Variants in NDUFA6 observed in about 807,000 individuals in gnomAD.
NDUFA6 encodes the protein NADH:ubiquinone oxidoreductase subunit A6.
A neutral mutation model predicts 12.5 loss-of-function variants in NDUFA6; 10 were observed. The ratio of observed to expected loss-of-function variants is 0.80; its 90% CI spans 0.49 to 1.35. NDUFA6 has a LOEUF of 1.35. Ranked by LOEUF, NDUFA6 falls within the 40% of genes most tolerant of loss-of-function variation. NDUFA6 has a pLI of 0.00. For missense variants in NDUFA6, 177 were observed against 173.5 expected (o/e 1.02, Z -0.11); for synonymous variants, 66 against 63.0 (o/e 1.05, Z -0.23).
At chr22:42,090,540 C>T in intron 1 of NDUFA6, 66 bp downstream of exon 1, 3 of 1,593,568 alleles carry the variant, frequency 1.9e-6, no homozygotes, top group Non-Finnish European at 2.6e-6. Flanking sequence ...ATGAGAAACC[C>T]CGGCCGGGCC....
At chr22:42,088,540 G>A (rs1256022142) in intron 1 of NDUFA6, among the ~76,000 whole-genome samples, 3 of 152,098 alleles carry the variant, frequency 2.0e-5, no homozygotes, top group Non-Finnish European at 4.4e-5. Context: ...CCAACATGGT[G>A]AAACCCCGTT....
chr22:42,090,627 A>T lies in NDUFA6; in HGVS notation c.118T>A (p.Tyr40Asn). ...TCACCAGTGTTCGGCACCTCCCGAT[A>T]CCAGGCGCGGTAGAGCTCGCGCACC... The part of the protein sequence containing the change: ...RRVRELYRAW[Y>N]REVPNTVHQF... The change falls in exon 1 of 3, where the codon TAT becomes AAT. Residue 40 changes from tyrosine to asparagine, a missense_variant. Transcript: ENST00000498737. 1.9e-6 allele frequency: 3 copies of T among 1,613,900 alleles called. No homozygotes were observed. Among genetic ancestry groups the T allele is most frequent in the Non-Finnish European group, 2.5e-6 (3 of 1,179,976 alleles).
At chr22:42,090,544 C>T in intron 1 of NDUFA6, 62 bp downstream of exon 1, 12 of 1,596,138 alleles carry the variant, frequency 7.5e-6, no homozygotes, top group Non-Finnish European at 1.0e-5. Context: ...GAAACCCCGG[C>T]CGGGCCGGCT....
chr22:42,087,814 A>T (rs931376322), intron 1 of NDUFA6, among the ~76,000 whole-genome samples: 7 of 148,658 alleles, frequency 4.7e-5, no homozygotes, highest in African/African-American at 7.5e-5. Context: ...AAAAAATAAT[A>T]ATTATTTTAT....
rs564103038 is a variant in NDUFA6, at chr22:42,087,833, C to T, written c.140-658G>A. On this transcript the variant is annotated intron_variant, in intron 1 of 2. Transcript: ENST00000498737. Reference sequence around the variant, plus strand: ...AATAATAATTATTTTATTAGCTGGGCGCGGTGGCTCACGCCTGTAATCCCA... The same window carrying T: ...AATAATAATTATTTTATTAGCTGGGTGCGGTGGCTCACGCCTGTAATCCCA... Among the ~76,000 whole-genome samples, 53 of 150,734 alleles carry T rather than the reference C, an allele frequency of 3.5e-4. 1 individual carries two copies. Among genetic ancestry groups the T allele is most frequent in the African/African-American group, 1.1e-3 (46 of 40,976 alleles).
chr22:42,089,499 CAA>C (rs1391594257), intron 1 of NDUFA6: 1 of 151,988 alleles, frequency 6.6e-6, no homozygotes, highest in Non-Finnish European at 1.5e-5. Context: ...GCAATTTTTC[CAA>C]AAGTCAGCTT....
At chr22:42,089,960 C>G (rs1928523376) in intron 1 of NDUFA6, 1 of 160,924 alleles carries the variant, frequency 6.2e-6, no homozygotes, top group Non-Finnish European at 1.4e-5. Context: ...ACGGGCGGAT[C>G]ACGAGGTCAG....
intron 2 of NDUFA6, 36 bp downstream of exon 2, chr22:42,087,024 G>A (rs754524567): frequency 7.1e-7 from 1 of 1,409,768 alleles, no homozygotes; most frequent in Admixed American, 1.7e-5. Flanking sequence ...GGACAAGTTG[G>A]CTGATCTTTT....
At position 42,086,284 on chromosome 22, in the gene NDUFA6, CT is replaced by C. The variant is rs1238488442; in HGVS notation, c.285del (p.Val96TyrfsTer43). 2 of 1,614,100 alleles carry C rather than the reference CT, an allele frequency of 1.2e-6. No individual in the cohort carries two copies. The highest frequency in any genetic ancestry group is 8.5e-7 in the Non-Finnish European group (1 of 1,180,034). On this transcript the variant is annotated frameshift_variant, in exon 3 of 3. Transcript: ENST00000498737. LOFTEE classifies it high-confidence loss of function. The stretch of plus-strand genomic sequence containing the variant: ...ATAACATGTGTCCGCTGCTTCCATA[CT>C]TTAATTGTTTCTTCCAGTTCGATCT... ...KGKIELEETIKVWKQRTHVMR... is the reference protein window; with the variant it reads ...KGKIELEETIXVWKQRTHVMR...
intron 1 of NDUFA6, among the ~76,000 whole-genome samples, chr22:42,089,457 T>C (rs1165958177): frequency 6.6e-6 from 1 of 151,988 alleles, no homozygotes; most frequent in African/African-American, 2.4e-5. Flanking sequence ...TCTCCTTCTC[T>C]AGTATCGCGT....
At position 42,085,622 on chromosome 22, in the gene NDUFA6, G is replaced by C. The variant is rs191842397; in HGVS notation, c.*561C>G. On this transcript the variant is annotated 3_prime_UTR_variant, in exon 3 of 3. Coordinates refer to ENST00000498737, the MANE Select transcript of NDUFA6 (RefSeq NM_002490.6). Reference sequence around the variant, plus strand: ...AATATTTCTGTTCTCTGTGTATATTGAACAGCTGTGCACCTAAGCAGGGTG... The same window carrying C: ...AATATTTCTGTTCTCTGTGTATATTCAACAGCTGTGCACCTAAGCAGGGTG... 2 of 184,268 alleles carry C rather than the reference G, an allele frequency of 1.1e-5. No homozygotes were observed. The highest frequency in any genetic ancestry group is 4.8e-5 in the African/African-American group (2 of 41,928). 11.4% of individuals were successfully genotyped at this position (184,268 alleles called of 1,614,324 possible). A position where few individuals can be genotyped will look rare whatever the true frequency, so the allele number is the denominator to read the frequency against.
chr22:42,088,609 C>T (rs1368356315), intron 1 of NDUFA6, among the ~76,000 whole-genome samples: 1 of 151,152 alleles, frequency 6.6e-6, no homozygotes, highest in Non-Finnish European at 1.5e-5. Flanking sequence ...ATCCCAGCTA[C>T]TCGGGAGGCT....
Position 42,087,102 on chromosome 22 carries a change from G to A in NDUFA6, c.213C>T (p.Ala71=). Residue 71 remains alanine, a synonymous_variant, in exon 2 of 3, where the codon GCC becomes GCT. Coordinates refer to ENST00000498737, the MANE Select transcript of NDUFA6 (RefSeq NM_002490.6). ...CAACCACCCTGGGGTCTGTGACATG[G>A]GCATTCTTCATAAACATTTCTCGGA... ...DKVREMFMKN[A]HVTDPRVVDL... is the part of the protein sequence containing the mutation. The A allele has an allele frequency of 6.2e-7, 1 of 1,614,116 alleles. No homozygotes were observed. Among genetic ancestry groups the A allele is most frequent in the Non-Finnish European group, 8.5e-7 (1 of 1,179,986 alleles).
chr22:42,086,363 C>G, intron 2 of NDUFA6, 49 bp from the exon 3 acceptor site: 1 of 1,611,424 alleles, frequency 6.2e-7, no homozygotes, highest in Non-Finnish European at 8.5e-7. Flanking sequence ...AAGTTGAAGG[C>G]ATATGACACT....
intron 1 of NDUFA6, among the ~76,000 whole-genome samples, chr22:42,088,024 C>G (rs992374034): frequency 1.6e-4 from 23 of 144,902 alleles, no homozygotes; most frequent in African/African-American, 6.0e-4. Flanking sequence ...AGGAGAATCA[C>G]TTGAACCCGG....
chr22:42,088,548 G>A (rs1397969711), intron 1 of NDUFA6, among the ~76,000 whole-genome samples: 5 of 151,952 alleles, frequency 3.3e-5, no homozygotes, highest in African/African-American at 9.7e-5. Context: ...GTGAAACCCC[G>A]TTTCTACTAA....
intron 1 of NDUFA6, chr22:42,090,092 CAGG>C (rs2146877508): frequency 5.4e-6 from 1 of 186,348 alleles, no homozygotes; most frequent in East Asian, 1.4e-4. Context: ...GAGGCTGAGG[CAGG>C]AGAATGACGT....
At chr22:42,090,491 C>T in intron 1 of NDUFA6, 115 bp downstream of exon 1, 1 of 1,278,214 alleles carries the variant, frequency 7.8e-7, no homozygotes, top group Non-Finnish European at 1.1e-6. Flanking sequence ...GAAGCACCCG[C>T]AGTCGCCTCT....
intron 1 of NDUFA6, among the ~76,000 whole-genome samples, chr22:42,088,106 C>CA (rs1182424559): frequency 0.11 from 4,442 of 38,972 alleles, 289 homozygotes; most frequent in African/African-American, 0.25. Context: ...GACTGTGTCT[C>CA]AAAAAAAAAA....
Sources: allele counts gnomAD v4.1 joint callset (sites outside exome capture counted in the v4.1 genomes callset), GRCh38; gene constraint gnomAD v4.1.1; transcripts MANE v1.5; gene names NCBI Gene and HGNC (gene_info 2026-07-23, HGNC 2026-07-21).